Variants in BCHE observed in about 807,000 individuals in gnomAD.
BCHE encodes the protein cholinesterase.
A neutral mutation model predicts 51.3 loss-of-function variants in BCHE; 48 were observed. The observed-to-expected ratio is 0.94, with a 90% CI of 0.74 to 1.19. The LOEUF (loss-of-function observed/expected upper bound fraction) is 1.19, where lower values mean the gene tolerates loss of function less well. Among genes scored for constraint, BCHE ranks in the 50% most tolerant of loss-of-function variants. The pLI, the probability that BCHE is intolerant of heterozygous loss-of-function variation, is 0.00. For missense variants in BCHE, 847 were observed against 708.2 expected, an observed-to-expected ratio of 1.20 and a Z score of -2.23; for synonymous variants, 251 against 238.0, an observed-to-expected ratio of 1.05 and a Z score of -0.50.
chr3:165,805,898 C>A (rs1326421434), intron 2 of BCHE, among the ~76,000 whole-genome samples: 1 of 152,216 alleles, frequency 6.6e-6, no homozygotes, highest in African/African-American at 2.4e-5. Flanking sequence ...CCATATCTAC[C>A]TGATTACCAG....
In BCHE at chr3:165,830,892, C is replaced by T. The variant is rs1560023822; in HGVS notation, c.142G>A (p.Val48Ile). ...AAGGCTGTTACCGTGCCACCAAAAA[C>T]TGTCAAGTTCATCCCTCTGACTTTT... is the stretch of plus-strand genomic sequence containing the variant. ...NGKVRGMNLTVFGGTVTAFLG... is the reference protein window; with the variant it reads ...NGKVRGMNLTIFGGTVTAFLG... The change falls in exon 2 of 4, where the codon GTT becomes ATT. Residue 48 changes from valine to isoleucine, a missense_variant. Physicochemically the swap from Val to Ile is conservative, Grantham distance 29. Transcript: ENST00000264381. 6.2e-7 allele frequency: 1 copy of T among 1,613,976 alleles called. No homozygotes were observed.
chr3:165,820,356 A>AT (rs748783811), intron 2 of BCHE, among the ~76,000 whole-genome samples: 21 of 151,860 alleles, frequency 1.4e-4, no homozygotes, highest in Non-Finnish European at 2.5e-4. Context: ...ATGGGTATCC[A>AT]TTTTTTTTAA....
intron 2 of BCHE, among the ~76,000 whole-genome samples, chr3:165,826,467 A>T (rs1560021217): frequency 6.6e-6 from 1 of 152,128 alleles, no homozygotes; most frequent in Non-Finnish European, 1.5e-5. Flanking sequence ...AAATAGAATC[A>T]GTGATTGACT....
intron 2 of BCHE, among the ~76,000 whole-genome samples, chr3:165,811,060 A>G (rs1389705154): frequency 1.3e-5 from 2 of 152,150 alleles, no homozygotes; most frequent in Admixed American, 1.3e-4. Context: ...TACCTAATTG[A>G]TATTTAAGAC....
In BCHE at chr3:165,773,326, G is replaced by C. The variant is rs191995340; in HGVS notation, c.*56C>G. ...TTAGTAGGTGTGTAAAAAAGCTCCT[G>C]ATATTTTTGCCTTGATCTAAAGGAA... On this transcript the variant is annotated 3_prime_UTR_variant, in exon 4 of 4. Coordinates refer to ENST00000264381, the MANE Select transcript of BCHE (RefSeq NM_000055.4). 1.9e-5 allele frequency: 29 copies of C among 1,534,386 alleles called. No individual in the cohort carries two copies. Among genetic ancestry groups the C allele is most frequent in the East Asian group, 1.1e-4 (5 of 43,882 alleles).
chr3:165,818,238 T>G, intron 2 of BCHE, among the ~76,000 whole-genome samples: 1 of 151,908 alleles, frequency 6.6e-6, no homozygotes, highest in Non-Finnish European at 1.5e-5. Flanking sequence ...AACTATAAAA[T>G]AAATAAATAG....
At chr3:165,775,062 A>G (rs1002067725) in intron 3 of BCHE, among the ~76,000 whole-genome samples, 3 of 152,144 alleles carry the variant, frequency 2.0e-5, no homozygotes, top group Non-Finnish European at 4.4e-5. Flanking sequence ...AATTTCATGT[A>G]TACTGAAAAT....
At chr3:165,801,042 G>A (rs1173305414) in intron 2 of BCHE, among the ~76,000 whole-genome samples, 1 of 152,160 alleles carries the variant, frequency 6.6e-6, no homozygotes, top group African/African-American at 2.4e-5. Context: ...GGTATTGAAA[G>A]CCAACCTTCC....
rs375775245 is a variant in BCHE, at chr3:165,830,186, T to G, written c.848A>C (p.Glu283Ala). ...NLAKLTGCSR[E>A]NETEIIKCLR... ...ACACTTGATTATTTCAGTCTCATTC[T>G]CTCTAGAGCAACCAGTCAATTTAGC... The change falls in exon 2 of 4, where the codon GAG (glutamate) becomes GCG (alanine). Residue 283 changes from glutamate to alanine, a missense_variant. Transcript: ENST00000264381. 1.2e-6 allele frequency: 2 copies of G among 1,613,844 alleles called. No individual in the cohort carries two copies. The highest frequency in any genetic ancestry group is 1.7e-6 in the Non-Finnish European group (2 of 1,179,930).
Position 165,786,130 on chromosome 3 carries a change from TA to T in BCHE, c.1684+14del. 6.2e-7 allele frequency: 1 copy of T among 1,609,032 alleles called. No homozygotes were observed. Among genetic ancestry groups the T allele is most frequent in the Non-Finnish European group, 8.5e-7 (1 of 1,176,192 alleles). On this transcript the variant is annotated intron_variant, in intron 3 of 3. Transcript: ENST00000264381. ...CATCATCTATTAAATAACCAAACAC[TA>T]AAAACAGACACACCTGTCATTTCCA... is the stretch of plus-strand genomic sequence containing the variant.
intron 2 of BCHE, among the ~76,000 whole-genome samples, chr3:165,789,368 A>G (rs1057131704): frequency 6.6e-6 from 1 of 152,062 alleles, no homozygotes; most frequent in African/African-American, 2.4e-5. Context: ...ATATTTCAGC[A>G]CATAGTTGAT....
At chr3:165,834,333 C>T (rs1715108416) in intron 1 of BCHE, among the ~76,000 whole-genome samples, 1 of 151,854 alleles carries the variant, frequency 6.6e-6, no homozygotes, top group Non-Finnish European at 1.5e-5. Flanking sequence ...ATAATGATAT[C>T]TGAGTTATCA....
intron 2 of BCHE, among the ~76,000 whole-genome samples, chr3:165,802,202 C>A (rs1455656163): frequency 6.6e-6 from 1 of 152,082 alleles, no homozygotes; most frequent in African/African-American, 2.4e-5. Context: ...CGTATTTATC[C>A]ATTAATTTGC....
At chr3:165,818,247 A>T (rs1035427520) in intron 2 of BCHE, among the ~76,000 whole-genome samples, 2 of 152,014 alleles carry the variant, frequency 1.3e-5, no homozygotes, top group African/African-American at 4.8e-5. Flanking sequence ...ATAAATAAAT[A>T]GATTTTGAAA....
intron 2 of BCHE, among the ~76,000 whole-genome samples, chr3:165,826,801 G>A (rs1047642058): frequency 3.3e-5 from 5 of 152,132 alleles, no homozygotes; most frequent in African/African-American, 1.2e-4. Context: ...TGAGGAAGTA[G>A]AGACTAGAAG....
rs1714955214 is a variant in BCHE, at chr3:165,830,991, A to G, written c.43T>C (p.Trp15Arg). Residue 15 changes from tryptophan (W) to arginine (R), a missense_variant, in exon 2 of 4, where the codon TGG (tryptophan) becomes CGG (arginine). Transcript: ENST00000264381. Reference sequence around the variant, plus strand: ...ATAAGCATGCAGAGCAAAAGAAACCAAAAGAGAAATCTGATGCATATGATT... The same window carrying G: ...ATAAGCATGCAGAGCAAAAGAAACCGAAAGAGAAATCTGATGCATATGATT... ...VTIICIRFLF[W>R]FLLLCMLIGK... is the part of the protein sequence containing the mutation. 1.9e-6 allele frequency: 3 copies of G among 1,613,566 alleles called. No homozygotes were observed. The highest frequency in any genetic ancestry group is 1.7e-6 in the Non-Finnish European group (2 of 1,179,848).
chr3:165,793,429 C>CT (rs1265802632), intron 2 of BCHE, among the ~76,000 whole-genome samples: 1 of 152,020 alleles, frequency 6.6e-6, no homozygotes, highest in South Asian at 2.1e-4. Flanking sequence ...GTCCTTTTTC[C>CT]TTTTTTCTCA....
chr3:165,786,155 C>T lies in BCHE; in HGVS notation c.1674G>A (p.Leu558=). 1 of 1,611,600 alleles carries T rather than the reference C, an allele frequency of 6.2e-7. No homozygotes were observed. Among genetic ancestry groups the T allele is most frequent in the Non-Finnish European group, 8.5e-7 (1 of 1,178,288 alleles). The part of the protein sequence containing the change: ...RFWTSFFPKV[L]EMTGNIDEAE... ...TAAAAACAGACACACCTGTCATTTCCAAGACTTTTGGAAAAAATGATGTCC... is the reference window on the plus strand; with the variant it reads ...TAAAAACAGACACACCTGTCATTTCTAAGACTTTTGGAAAAAATGATGTCC... Residue 558 remains leucine (L), a synonymous_variant, in exon 3 of 4, where the codon TTG becomes TTA. Transcript: ENST00000264381.
At chr3:165,827,127 C>T (rs538233568) in intron 2 of BCHE, among the ~76,000 whole-genome samples, 1 of 152,230 alleles carries the variant, frequency 6.6e-6, no homozygotes, top group African/African-American at 2.4e-5. Flanking sequence ...CTGCCGTTCA[C>T]TTAATTATTC....
Sources: allele counts gnomAD v4.1 joint callset (sites outside exome capture counted in the v4.1 genomes callset), GRCh38; gene constraint gnomAD v4.1.1; transcripts MANE v1.5; gene names NCBI Gene and HGNC (gene_info 2026-07-23, HGNC 2026-07-21).